The following ROBO1 variants were observed in gnomAD, a reference collection of about 807,000 sequenced individuals.
ROBO1 encodes the protein roundabout guidance receptor 1.
ROBO1 carries 149 observed loss-of-function variants against 195.9 expected under a neutral mutation model. The ratio of observed to expected loss-of-function variants is 0.76; its 90% CI spans 0.67 to 0.87. The LOEUF is 0.87. Ranked by LOEUF, ROBO1 falls within the 40% of genes least tolerant of loss-of-function variation. The probability of loss-of-function intolerance (pLI) is 0.00; values close to 1 mark genes in which losing one functional copy is unlikely to be tolerated. For missense variants in ROBO1, 1,933 were observed against 2,068.3 expected (o/e 0.93, Z 1.27); for synonymous variants, 816 against 733.2 (o/e 1.11, Z -1.82).
At chr3:79,137,872 C>T (rs889606835) in intron 2 of ROBO1, among the ~76,000 whole-genome samples, 9 of 152,052 alleles carry the variant, frequency 5.9e-5, no homozygotes, top group African/African-American at 1.9e-4. Flanking sequence ...GTTAGTGATT[C>T]TTTTCTAGTC....
chr3:79,076,383 A>C (rs2079174499), intron 3 of ROBO1, among the ~76,000 whole-genome samples: 1 of 150,748 alleles, frequency 6.6e-6, no homozygotes. Flanking sequence ...TCATGACAGA[A>C]AAAAAGAGAC....
intron 1 of ROBO1, among the ~76,000 whole-genome samples, chr3:79,720,144 C>T (rs1370580549): frequency 6.6e-6 from 1 of 152,112 alleles, no homozygotes; most frequent in Non-Finnish European, 1.5e-5. Flanking sequence ...TTCCAGTATT[C>T]GTGCCCTTTA....
chr3:79,055,021 C>A (rs1020889290), intron 3 of ROBO1, among the ~76,000 whole-genome samples: 1 of 152,114 alleles, frequency 6.6e-6, no homozygotes, highest in African/African-American at 2.4e-5. Context: ...CTCTGTAGCA[C>A]CATTCCTCTA....
chr3:79,585,255 T>G (rs1223613226), intron 2 of ROBO1, among the ~76,000 whole-genome samples: 1 of 151,924 alleles, frequency 6.6e-6, no homozygotes, highest in African/African-American at 2.4e-5. Flanking sequence ...ATTATAAAAG[T>G]CCAGCTACTT....
chr3:79,452,316 C>T (rs2039470128), intron 2 of ROBO1, among the ~76,000 whole-genome samples: 1 of 152,016 alleles, frequency 6.6e-6, no homozygotes, highest in African/African-American at 2.4e-5. Context: ...ATCTTCATAT[C>T]ACACCACTCA....
intron 2 of ROBO1, among the ~76,000 whole-genome samples, chr3:79,241,917 G>T (rs2082526605): frequency 6.7e-6 from 1 of 148,222 alleles, no homozygotes; most frequent in South Asian, 2.1e-4. Flanking sequence ...TTCATCTTTT[G>T]GTAGTAAGTC....
At chr3:79,181,862 G>C (rs1288784759) in intron 2 of ROBO1, among the ~76,000 whole-genome samples, 2 of 150,484 alleles carry the variant, frequency 1.3e-5, no homozygotes, top group African/African-American at 4.9e-5. Context: ...GGAGGTGGAG[G>C]CTGCACTGAG....
At chr3:79,312,711 C>A (rs1247734524) in intron 2 of ROBO1, among the ~76,000 whole-genome samples, 1 of 152,074 alleles carries the variant, frequency 6.6e-6, no homozygotes, top group Non-Finnish European at 1.5e-5. Context: ...TCAACCAGTT[C>A]TGAGGTTCAC....
At chr3:79,187,980 T>C (rs2081471243) in intron 2 of ROBO1, among the ~76,000 whole-genome samples, 1 of 151,980 alleles carries the variant, frequency 6.6e-6, no homozygotes, top group Non-Finnish European at 1.5e-5. Flanking sequence ...TAAAGGTCTA[T>C]TCAAATATCA....
intron 2 of ROBO1, among the ~76,000 whole-genome samples, chr3:79,199,928 G>C (rs886464928): frequency 6.6e-6 from 1 of 151,692 alleles, no homozygotes; most frequent in Non-Finnish European, 1.5e-5. Flanking sequence ...TAAAGTCTAA[G>C]AGCTATTTAA....
intron 2 of ROBO1, among the ~76,000 whole-genome samples, chr3:79,216,426 A>G (rs918551798): frequency 2.6e-5 from 4 of 152,060 alleles, no homozygotes; most frequent in African/African-American, 7.2e-5. Flanking sequence ...TTGGATGATT[A>G]TGTGTTTTGT....
chr3:79,611,218 T>C (rs2107921009), intron 1 of ROBO1, among the ~76,000 whole-genome samples: 1 of 152,140 alleles, frequency 6.6e-6, no homozygotes. Flanking sequence ...ATTCCACGGT[T>C]CTTCAGTATG....
At chr3:78,758,524 TCAAAAA>T (rs1559824084) in intron 4 of ROBO1, among the ~76,000 whole-genome samples, 2 of 40,506 alleles carry the variant, frequency 4.9e-5, no homozygotes. Flanking sequence ...AGACCCTATC[TCAAAAA>T]AAAAAAAAAA....
At chr3:78,977,684 A>G (rs1460314373) in intron 3 of ROBO1, among the ~76,000 whole-genome samples, 1 of 151,818 alleles carries the variant, frequency 6.6e-6, no homozygotes, top group African/African-American at 2.4e-5. Context: ...TAACCATGAG[A>G]AAATAAAATC....
chr3:79,340,883 A>G (rs1309283605), intron 2 of ROBO1, among the ~76,000 whole-genome samples: 1 of 152,220 alleles, frequency 6.6e-6, no homozygotes, highest in Non-Finnish European at 1.5e-5. Context: ...TGCCTGATGT[A>G]GATTAAATAT....
At chr3:79,495,905 A>G (rs1939703892) in intron 2 of ROBO1, among the ~76,000 whole-genome samples, 2 of 152,236 alleles carry the variant, frequency 1.3e-5, no homozygotes, top group East Asian at 3.9e-4. Context: ...GTAGGGAAAT[A>G]GGAATGTTAA....
At chr3:79,259,153 T>A (rs563544267) in intron 2 of ROBO1, among the ~76,000 whole-genome samples, 1 of 152,248 alleles carries the variant, frequency 6.6e-6, no homozygotes, top group Admixed American at 6.5e-5. Flanking sequence ...TACTTTTTGT[T>A]GTTGTTGTTG....
At chr3:79,330,186 G>A (rs1424954093) in intron 2 of ROBO1, among the ~76,000 whole-genome samples, 3 of 150,300 alleles carry the variant, frequency 2.0e-5, no homozygotes, top group Non-Finnish European at 3.0e-5. Context: ...GGGAGGTTTA[G>A]GCAACATGCA....
chr3:79,196,009 A>G (rs2081626298), intron 2 of ROBO1, among the ~76,000 whole-genome samples: 1 of 151,598 alleles, frequency 6.6e-6, no homozygotes, highest in South Asian at 2.1e-4. Flanking sequence ...GGACTTATTG[A>G]GCACCTACTT....
Sources: allele counts gnomAD v4.1 joint callset (sites outside exome capture counted in the v4.1 genomes callset), GRCh38; gene constraint gnomAD v4.1.1; transcripts MANE v1.5; gene names NCBI Gene and HGNC (gene_info 2026-07-23, HGNC 2026-07-21).